Variants in SOX5 observed in about 807,000 individuals in gnomAD.
SOX5 encodes the protein transcription factor SOX-5.
Under a neutral mutation model 92.0 loss-of-function variants are expected in SOX5, and 9 were observed. The observed-to-expected ratio is 0.10, with a 90% CI of 0.06 to 0.17. The LOEUF (loss-of-function observed/expected upper bound fraction) is 0.17. SOX5 is among the 10% of genes least tolerant of loss of function. The pLI, the probability that SOX5 is intolerant of heterozygous loss-of-function variation, is 1.00. For synonymous variants in SOX5, 344 were observed against 336.3 expected (o/e 1.02, Z -0.25); for missense variants, 642 against 944.5 (o/e 0.68, Z 4.20).
intron 3 of SOX5, among the ~76,000 whole-genome samples, chr12:23,767,184 G>A (rs994968388): frequency 6.6e-6 from 1 of 151,074 alleles, no homozygotes; most frequent in Non-Finnish European, 1.5e-5. Context: ...TCCAGCCTGG[G>A]CAAGAATGGA....
At chr12:23,689,155 C>A (rs1350447279) in intron 6 of SOX5, among the ~76,000 whole-genome samples, 1 of 152,118 alleles carries the variant, frequency 6.6e-6, no homozygotes, top group East Asian at 1.9e-4. Flanking sequence ...TTTAGCCCTT[C>A]TTAATGCTTA....
intron 1 of SOX5, among the ~76,000 whole-genome samples, chr12:23,902,572 TA>T (rs1041808233): frequency 4.4e-5 from 6 of 134,950 alleles, no homozygotes; most frequent in South Asian, 4.7e-4. Flanking sequence ...GTTGCATGCA[TA>T]AAAAAATTAA....
intron 11 of SOX5, among the ~76,000 whole-genome samples, chr12:23,557,500 T>G (rs762586015): frequency 1.3e-5 from 2 of 152,276 alleles, no homozygotes; most frequent in Non-Finnish European, 2.9e-5. Context: ...CACATATGCA[T>G]GCTTATTTTT....
chr12:24,162,760 A>G (rs1422798666), intron 4 of SOX5, among the ~76,000 whole-genome samples: 1 of 152,020 alleles, frequency 6.6e-6, no homozygotes, highest in Non-Finnish European at 1.5e-5. Flanking sequence ...GTTATGGGTT[A>G]CCTATTTTGT....
intron 1 of SOX5, among the ~76,000 whole-genome samples, chr12:24,511,583 A>G (rs1290669446): frequency 6.6e-6 from 1 of 152,246 alleles, no homozygotes; most frequent in Non-Finnish European, 1.5e-5. Flanking sequence ...GATTCTTATC[A>G]TAAATTTTAG....
At chr12:23,616,240 G>T (rs2076538598) in intron 8 of SOX5, among the ~76,000 whole-genome samples, 2 of 152,196 alleles carry the variant, frequency 1.3e-5, no homozygotes, top group African/African-American at 4.8e-5. Flanking sequence ...GAGACTCTTG[G>T]TCAAACCTGA....
intron 3 of SOX5, among the ~76,000 whole-genome samples, chr12:23,759,112 T>C (rs9805112): frequency 0.27 from 40,480 of 150,614 alleles, 6,118 homozygotes; most frequent in African/African-American, 0.4. Context: ...GTAGGAAAAA[T>C]GATTCTTACT....
chr12:23,911,398 A>G (rs952713008), intron 1 of SOX5, among the ~76,000 whole-genome samples: 1 of 152,094 alleles, frequency 6.6e-6, no homozygotes, highest in Non-Finnish European at 1.5e-5. Flanking sequence ...CAATTTCAAT[A>G]TATTTCCCAG....
At chr12:23,779,520 C>T (rs2095213868) in intron 3 of SOX5, among the ~76,000 whole-genome samples, 1 of 151,234 alleles carries the variant, frequency 6.6e-6, no homozygotes, top group African/African-American at 2.4e-5. Flanking sequence ...AATTCAGAAG[C>T]TAATGCGAAG....
chr12:23,574,534 C>A (rs1392620384), intron 10 of SOX5, among the ~76,000 whole-genome samples: 1 of 152,138 alleles, frequency 6.6e-6, no homozygotes, highest in South Asian at 2.1e-4. Context: ...TATGTCAATT[C>A]TTCCTTGATT....
chr12:24,552,460 T>TGA (rs145966579), intron 1 of SOX5, among the ~76,000 whole-genome samples: 3,635 of 152,336 alleles, frequency 0.024, 74 homozygotes, highest in Admixed American at 0.057. Context: ...ATGTCTGGGA[T>TGA]GAGACCCAGA....
intron 1 of SOX5, among the ~76,000 whole-genome samples, chr12:24,546,680 AG>A (rs1952652006): frequency 6.6e-6 from 1 of 152,220 alleles, no homozygotes. Flanking sequence ...AGAACATCCA[AG>A]GGCAAATAAT....
intron 1 of SOX5, among the ~76,000 whole-genome samples, chr12:24,369,029 T>C (rs1041833280): frequency 6.6e-6 from 1 of 152,188 alleles, no homozygotes; most frequent in African/African-American, 2.4e-5. Context: ...TCCAGCTGTC[T>C]GTAAAGTAAG....
At chr12:24,289,344 A>C (rs938538593) in intron 2 of SOX5, among the ~76,000 whole-genome samples, 9 of 152,104 alleles carry the variant, frequency 5.9e-5, no homozygotes, top group African/African-American at 2.2e-4. Flanking sequence ...TAAAAATACA[A>C]ATTTCCATAT....
chr12:23,933,163 A>C (rs915300987), intron 1 of SOX5, among the ~76,000 whole-genome samples: 1 of 151,696 alleles, frequency 6.6e-6, no homozygotes, highest in Non-Finnish European at 1.5e-5. Flanking sequence ...GAAATACACA[A>C]TTCATATGTT....
chr12:24,377,582 G>T (rs982095993), intron 1 of SOX5, among the ~76,000 whole-genome samples: 1 of 152,204 alleles, frequency 6.6e-6, no homozygotes. Flanking sequence ...TAAGAAAAAT[G>T]AGTTGACTTA....
At chr12:24,389,993 A>G (rs1485408832) in intron 1 of SOX5, among the ~76,000 whole-genome samples, 1 of 151,946 alleles carries the variant, frequency 6.6e-6, no homozygotes, top group East Asian at 1.9e-4. Context: ...CCCTTATTAA[A>G]TTCTCCTCAA....
At chr12:24,203,345 G>A (rs1957718166) in intron 4 of SOX5, among the ~76,000 whole-genome samples, 1 of 152,080 alleles carries the variant, frequency 6.6e-6, no homozygotes, top group South Asian at 2.1e-4. Context: ...TCTGGCCCTG[G>A]AATCATCCAT....
chr12:23,578,154 TA>T (rs1431536065), intron 9 of SOX5, among the ~76,000 whole-genome samples: 1 of 68,958 alleles, frequency 1.5e-5, no homozygotes, highest in African/African-American at 5.2e-5. Context: ...AAAAAAACTA[TA>T]GGGGCAATAT....
Sources: allele counts gnomAD v4.1 joint callset (sites outside exome capture counted in the v4.1 genomes callset), GRCh38; gene constraint gnomAD v4.1.1; transcripts MANE v1.5; gene names NCBI Gene and HGNC (gene_info 2026-07-23, HGNC 2026-07-21).